ZNF536: variants seen among roughly 807,000 people sequenced by gnomAD.
The protein encoded by ZNF536 is zinc finger protein 536.
A neutral mutation model predicts 84.5 loss-of-function variants in ZNF536; 13 were observed. The observed-to-expected ratio is 0.15, with a 90% CI of 0.10 to 0.24. The LOEUF is 0.24. Among genes scored for constraint, ZNF536 ranks in the 10% least tolerant of loss-of-function variants. The pLI is 1.00. For synonymous variants in ZNF536, 811 were observed against 742.5 expected, an observed-to-expected ratio of 1.09 and a Z score of -1.50; for missense variants, 1,536 against 1,747.5, an observed-to-expected ratio of 0.88 and a Z score of 2.16.
intron 1 of ZNF536, among the ~76,000 whole-genome samples, chr19:30,656,131 G>T (rs1201051078): frequency 6.6e-6 from 1 of 152,158 alleles, no homozygotes. Context: ...TCTGCAGCAA[G>T]ATGGAGTTCT....
chr19:30,494,803 G>A lies in ZNF536; in HGVS notation c.2171-40044G>A, dbSNP rs182093118. Among the ~76,000 whole-genome samples, 864 of 152,018 alleles carry A rather than the reference G, an allele frequency of 5.7e-3. 4 individuals carry two copies. The highest frequency in any genetic ancestry group is 8.1e-3 in the Non-Finnish European group (553 of 67,976). On this transcript the variant is annotated intron_variant, in intron 2 of 4. Transcript: ENST00000355537. ...TCTACTAAAAATACAAAAATCAGCC[G>A]GGGGTGGTGGCGTGCACCTATAATC...
intron 1 of ZNF536, among the ~76,000 whole-genome samples, chr19:30,267,858 G>T (rs1165733648): frequency 6.6e-6 from 1 of 151,712 alleles, no homozygotes; most frequent in Non-Finnish European, 1.5e-5. Flanking sequence ...ATCAGCAATT[G>T]AGTGTGTATG....
At chr19:30,668,230 ACT>A (rs2050407691) in intron 1 of ZNF536, among the ~76,000 whole-genome samples, 1 of 151,248 alleles carries the variant, frequency 6.6e-6, no homozygotes, top group African/African-American at 2.4e-5. Context: ...TGCCCTGGAG[ACT>A]CTACACCATG....
At chr19:30,294,492 T>C (rs2045936539) in intron 2 of ZNF536, among the ~76,000 whole-genome samples, 1 of 152,060 alleles carries the variant, frequency 6.6e-6, no homozygotes. Flanking sequence ...AAAATGTAAG[T>C]ATGGCATATG....
At chr19:30,651,022 T>A (rs1221556315) in intron 1 of ZNF536, among the ~76,000 whole-genome samples, 1 of 152,190 alleles carries the variant, frequency 6.6e-6, no homozygotes, top group East Asian at 1.9e-4. Context: ...ACAGTCAGAA[T>A]CTGGCCTCCA....
chr19:30,694,919 G>A (rs1221428799), intron 1 of ZNF536, among the ~76,000 whole-genome samples: 2 of 152,198 alleles, frequency 1.3e-5, no homozygotes, highest in Non-Finnish European at 2.9e-5. Flanking sequence ...CGTGGTTCTT[G>A]GAGATGTGAT....
intron 1 of ZNF536, among the ~76,000 whole-genome samples, chr19:30,709,581 G>A (rs1296679017): frequency 6.6e-6 from 1 of 152,230 alleles, no homozygotes; most frequent in Non-Finnish European, 1.5e-5. Context: ...TCAGCAAAGT[G>A]TAGCTCGTGG....
intron 1 of ZNF536, among the ~76,000 whole-genome samples, chr19:30,677,896 G>T (rs1030539969): frequency 1.3e-5 from 2 of 152,120 alleles, no homozygotes; most frequent in African/African-American, 2.4e-5. Context: ...GAGAGGGGAT[G>T]GGGTGAACGG....
upstream of ZNF536, among the ~76,000 whole-genome samples, chr19:30,227,566 C>T (rs1055049577): frequency 1.3e-5 from 2 of 152,162 alleles, no homozygotes; most frequent in East Asian, 3.9e-4. Context: ...AATACGGCAG[C>T]TGCGAGGTGT....
chr19:30,535,933 G>A (rs901724014), intron 3 of ZNF536, among the ~76,000 whole-genome samples: 1 of 150,178 alleles, frequency 6.7e-6, no homozygotes, highest in Non-Finnish European at 1.5e-5. Flanking sequence ...GGCATCGCGT[G>A]GGGGGAGACA....
chr19:30,434,817 G>A (rs1295703904), intron 1 of ZNF536, among the ~76,000 whole-genome samples: 3 of 150,968 alleles, frequency 2.0e-5, no homozygotes, highest in Middle Eastern at 3.5e-3. Context: ...GGTGATGATG[G>A]TGGTGATGGT....
chr19:30,629,687 G>A (rs995312162), intron 1 of ZNF536, among the ~76,000 whole-genome samples: 1 of 152,236 alleles, frequency 6.6e-6, no homozygotes, highest in Non-Finnish European at 1.5e-5. Context: ...CTGTCCCTCA[G>A]TCCTCATAGG....
intron 1 of ZNF536, among the ~76,000 whole-genome samples, chr19:30,672,310 C>T (rs2050588808): frequency 6.6e-6 from 1 of 152,180 alleles, no homozygotes; most frequent in Non-Finnish European, 1.5e-5. Flanking sequence ...CCAGGGCTGC[C>T]GTTGCTCAGG....
intron 1 of ZNF536, among the ~76,000 whole-genome samples, chr19:30,598,516 T>C (rs564791570): frequency 5.3e-5 from 8 of 152,322 alleles, no homozygotes; most frequent in African/African-American, 1.9e-4. Context: ...CTCCACTTTC[T>C]TCTTAATTTT....
At chr19:30,479,860 C>A (rs1316555632) in intron 2 of ZNF536, among the ~76,000 whole-genome samples, 1 of 152,194 alleles carries the variant, frequency 6.6e-6, no homozygotes, top group Non-Finnish European at 1.5e-5. Flanking sequence ...TCACATTTCT[C>A]TTTTTTATCT....
intron 2 of ZNF536, among the ~76,000 whole-genome samples, chr19:30,341,063 A>G (rs924418179): frequency 6.6e-6 from 1 of 152,124 alleles, no homozygotes; most frequent in Non-Finnish European, 1.5e-5. Context: ...ACTGGCACAC[A>G]GCAGCCGTTC....
intron 1 of ZNF536, among the ~76,000 whole-genome samples, chr19:30,574,982 G>A (rs568276670): frequency 6.6e-6 from 1 of 152,134 alleles, no homozygotes; most frequent in African/African-American, 2.4e-5. Context: ...TTCGTCATCT[G>A]GGTTTGTCAG....
intron 1 of ZNF536, among the ~76,000 whole-genome samples, chr19:30,641,631 C>T (rs149159884): frequency 6.6e-6 from 1 of 152,306 alleles, no homozygotes; most frequent in East Asian, 1.9e-4. Context: ...ATTCCATCTT[C>T]ACCCTCGTGC....
exon 2 of ZNF536, chr19:30,712,323 C>A (rs1272238266): frequency 1.3e-5 from 2 of 151,730 alleles, no homozygotes; most frequent in Non-Finnish European, 2.9e-5. Flanking sequence ...TAAAGTTGAG[C>A]CTTTTAACAT....
Sources: allele counts gnomAD v4.1 joint callset (sites outside exome capture counted in the v4.1 genomes callset), GRCh38; gene constraint gnomAD v4.1.1; transcripts MANE v1.5; gene names NCBI Gene and HGNC (gene_info 2026-07-23, HGNC 2026-07-21).